HCN1: variants seen among roughly 807,000 people sequenced by gnomAD.
The protein encoded by HCN1 is potassium/sodium hyperpolarization-activated cyclic nucleotide-gated channel 1.
HCN1 carries 13 observed loss-of-function variants against 78.9 expected under a neutral mutation model. The ratio of observed to expected loss-of-function variants is 0.16; its 90% confidence interval spans 0.11 to 0.26. The LOEUF (loss-of-function observed/expected upper bound fraction) is 0.26. Ranked by LOEUF, HCN1 falls within the 10% of genes least tolerant of loss-of-function variation. The pLI is 1.00. For missense variants in HCN1, 810 were observed against 1,154.3 expected (o/e 0.70, Z 4.32); for synonymous variants, 552 against 455.5 (o/e 1.21, Z -2.70).
chr5:45,402,705 C>A (rs1739839549), intron 3 of HCN1, among the ~76,000 whole-genome samples: 1 of 152,072 alleles, frequency 6.6e-6, no homozygotes, highest in Admixed American at 6.6e-5. Context: ...ATTAGGGATT[C>A]ATGGAAAATT....
At chr5:45,622,904 A>T (rs1012420400) in intron 2 of HCN1, among the ~76,000 whole-genome samples, 2 of 152,136 alleles carry the variant, frequency 1.3e-5, no homozygotes, top group African/African-American at 4.8e-5. Context: ...TTATCAAAGG[A>T]CAACTAGGCC....
intron 5 of HCN1, among the ~76,000 whole-genome samples, chr5:45,317,828 T>G (rs919167787): frequency 6.6e-6 from 1 of 152,160 alleles, no homozygotes; most frequent in African/African-American, 2.4e-5. Context: ...TCATCATCAC[T>G]GGCCATCAGA....
At chr5:45,291,493 T>G (rs1356379277) in intron 6 of HCN1, among the ~76,000 whole-genome samples, 1 of 152,064 alleles carries the variant, frequency 6.6e-6, no homozygotes, top group East Asian at 1.9e-4. Flanking sequence ...TTATTCCCCA[T>G]GCTGATAACG....
At chr5:45,285,940 T>C (rs1259813387) in intron 6 of HCN1, among the ~76,000 whole-genome samples, 1 of 151,958 alleles carries the variant, frequency 6.6e-6, no homozygotes, top group East Asian at 1.9e-4. Context: ...CCTCATCTTC[T>C]CTGATAAACT....
At chr5:45,522,237 G>A (rs551509518) in intron 2 of HCN1, among the ~76,000 whole-genome samples, 86 of 151,836 alleles carry the variant, frequency 5.7e-4, no homozygotes, top group African/African-American at 1.9e-3. Context: ...TGTTATTACC[G>A]TCAGCTTCAT....
intron 2 of HCN1, among the ~76,000 whole-genome samples, chr5:45,508,682 TAG>T (rs758518443): frequency 3.3e-5 from 5 of 152,172 alleles, no homozygotes; most frequent in Non-Finnish European, 7.3e-5. Flanking sequence ...CTTTTCTATA[TAG>T]AATGTCTGTG....
At chr5:45,326,479 T>C (rs1561107632) in intron 5 of HCN1, among the ~76,000 whole-genome samples, 1 of 151,616 alleles carries the variant, frequency 6.6e-6, no homozygotes, top group Non-Finnish European at 1.5e-5. Context: ...TTAATTATAG[T>C]TATATTAAGA....
chr5:45,605,050 G>A (rs1297938486), intron 2 of HCN1, among the ~76,000 whole-genome samples: 1 of 151,884 alleles, frequency 6.6e-6, no homozygotes, highest in African/African-American at 2.4e-5. Context: ...ATACACTGAA[G>A]GCTTATTAAA....
intron 2 of HCN1, among the ~76,000 whole-genome samples, chr5:45,543,646 G>A (rs1454991524): frequency 1.3e-5 from 2 of 151,894 alleles, no homozygotes; most frequent in Non-Finnish European, 1.5e-5. Context: ...CCTAATCCTG[G>A]TAAGCTGAAT....
chr5:45,504,259 C>A (rs1264683627), intron 2 of HCN1, among the ~76,000 whole-genome samples: 2 of 152,072 alleles, frequency 1.3e-5, no homozygotes, highest in Admixed American at 6.6e-5. Context: ...TCTCCCCTCA[C>A]CCCACAACAG....
At chr5:45,545,580 G>C (rs1014666093) in intron 2 of HCN1, among the ~76,000 whole-genome samples, 2 of 152,032 alleles carry the variant, frequency 1.3e-5, no homozygotes, top group Non-Finnish European at 2.9e-5. Flanking sequence ...TATGGTTTTA[G>C]GTCTAACATG....
chr5:45,372,180 A>C (rs1282604674), intron 4 of HCN1, among the ~76,000 whole-genome samples: 1 of 61,864 alleles, frequency 1.6e-5, no homozygotes, highest in Non-Finnish European at 2.4e-5. Flanking sequence ...ATTATATTAT[A>C]ATATAATACA....
At chr5:45,431,683 A>G (rs1370109951) in intron 3 of HCN1, among the ~76,000 whole-genome samples, 1 of 152,172 alleles carries the variant, frequency 6.6e-6, no homozygotes, top group Admixed American at 6.5e-5. Flanking sequence ...CCATTTATTG[A>G]CTAGGGAGTC....
Position 45,478,377 on chromosome 5 carries a change from T to C in HCN1, c.850-16370A>G, listed in dbSNP as rs935914276. Reference sequence around the variant, plus strand: ...AAATAAATATATTAATTATGTAGAATGTTAGCAGATGCTAAACTTTATGAC... The same window carrying C: ...AAATAAATATATTAATTATGTAGAACGTTAGCAGATGCTAAACTTTATGAC... On this transcript the variant is annotated intron_variant, in intron 2 of 7. Transcript: ENST00000303230. Among the ~76,000 whole-genome samples the C allele has an allele frequency of 3.3e-5, 5 of 152,192 alleles. No individual in the cohort carries two copies. The East Asian group carries it at 9.6e-4, about 29-fold the overall frequency.
chr5:45,570,216 C>G (rs554379395), intron 2 of HCN1, among the ~76,000 whole-genome samples: 14 of 151,884 alleles, frequency 9.2e-5, no homozygotes, highest in Non-Finnish European at 2.1e-4. Context: ...TCCTCTCTCG[C>G]TTTCTTTTTC....
rs954055587 is a variant in HCN1, at chr5:45,602,767, T to C, written c.849+42418A>G. On this transcript the variant is annotated intron_variant, in intron 2 of 7. Coordinates refer to ENST00000303230, the MANE Select transcript of HCN1 (RefSeq NM_021072.4). ...TTGAGAGGCACCTTCTCCAAGTGTT[T>C]GTTAAAACTCCAGCGAATACACATG... Among the ~76,000 whole-genome samples the C allele has an allele frequency of 7.2e-5, 11 of 152,254 alleles. No homozygotes were observed. In the South Asian group the frequency reaches 1.9e-3, roughly 26 times the overall value.
In HCN1 at chr5:45,259,366, A is replaced by C. The variant is rs1744684933; in HGVS notation, c.*2555T>G. ...TCCCTGATCATACAGTTGTTGTAAG[A>C]ATCAGCTATTCTATTATCTTTCCAG... is the stretch of plus-strand genomic sequence containing the variant. On this transcript the variant is annotated 3_prime_UTR_variant, in exon 8 of 8. Transcript: ENST00000303230. The C allele has an allele frequency of 1.3e-5, 2 of 152,418 alleles. No homozygotes were observed. The highest frequency in any genetic ancestry group is 4.1e-4 in the South Asian group (2 of 4,830). The allele number at this position is 152,418 out of a possible 1,614,324, so 9.4% of individuals were successfully genotyped here. A position where few individuals can be genotyped will look rare whatever the true frequency, so the allele number is the denominator to read the frequency against.
intron 2 of HCN1, among the ~76,000 whole-genome samples, chr5:45,465,622 G>A (rs754111216): frequency 6.6e-6 from 1 of 152,050 alleles, no homozygotes. Flanking sequence ...GGGCGTGGCG[G>A]TGGGCACCTG....
At chr5:45,656,968 G>C (rs1745773490) in intron 1 of HCN1, among the ~76,000 whole-genome samples, 1 of 151,798 alleles carries the variant, frequency 6.6e-6, no homozygotes, top group Non-Finnish European at 1.5e-5. Context: ...GATGTTATTT[G>C]ATATTATACT....
Sources: gnomAD v4.1 joint callset for allele counts (sites outside exome capture counted in the v4.1 genomes callset) on GRCh38, gnomAD v4.1.1 for gene constraint, MANE v1.5 for transcripts, NCBI Gene and HGNC (gene_info 2026-07-23, HGNC 2026-07-21) for gene names.